HACE1: variants seen among roughly 807,000 people sequenced by gnomAD.
HACE1 encodes E3 ubiquitin-protein ligase HACE1.
A neutral mutation model predicts 118.4 loss-of-function variants in HACE1; 73 were observed. The observed-to-expected ratio is 0.62, with a 90% confidence interval of 0.51 to 0.75. The LOEUF (loss-of-function observed/expected upper bound fraction) is 0.75. Ranked by LOEUF, HACE1 falls within the 30% of genes least tolerant of loss-of-function variation. The pLI is 0.00. For missense variants in HACE1, 749 were observed against 1,102.2 expected (o/e 0.68, Z 4.54); for synonymous variants, 368 against 374.8 (o/e 0.98, Z 0.21).
chr6:104,792,292 C>A (rs1234390951), intron 10 of HACE1, among the ~76,000 whole-genome samples: 1 of 152,056 alleles, frequency 6.6e-6, no homozygotes, highest in East Asian at 1.9e-4. Context: ...AAAGAAAAGA[C>A]TAAAATTCAA....
intron 20 of HACE1, among the ~76,000 whole-genome samples, chr6:104,745,532 C>G (rs1777326708): frequency 6.8e-6 from 1 of 148,032 alleles, no homozygotes; most frequent in South Asian, 2.1e-4. Context: ...GCTCCACCTC[C>G]CGGGTTCACG....
intron 1 of HACE1, among the ~76,000 whole-genome samples, chr6:104,859,017 GA>G (rs1777027835): frequency 6.6e-6 from 1 of 152,140 alleles, no homozygotes; most frequent in Non-Finnish European, 1.5e-5. Context: ...GCATATTAAA[GA>G]AAAATATATT....
At chr6:104,859,401 C>T (rs1244328728) in intron 1 of HACE1, 166 bp downstream of exon 1, 4 of 590,340 alleles carry the variant, frequency 6.8e-6, no homozygotes, top group Admixed American at 7.4e-5. Context: ...GAGCGTCGGG[C>T]CAGGGGAGTT....
chr6:104,765,463 C>T (rs952643969), intron 19 of HACE1, among the ~76,000 whole-genome samples: 2 of 152,172 alleles, frequency 1.3e-5, no homozygotes, highest in Admixed American at 6.5e-5. Flanking sequence ...CTTTCTGAGG[C>T]AACAACAACA....
At chr6:104,790,843 A>G (rs1782953177) in intron 11 of HACE1, among the ~76,000 whole-genome samples, 1 of 152,212 alleles carries the variant, frequency 6.6e-6, no homozygotes, top group African/African-American at 2.4e-5. Flanking sequence ...GTCACCCAAA[A>G]AAACATTAAC....
intron 6 of HACE1, among the ~76,000 whole-genome samples, chr6:104,819,008 T>C (rs575219370): frequency 1.3e-5 from 2 of 152,232 alleles, no homozygotes; most frequent in East Asian, 3.9e-4. Flanking sequence ...TCACCACCCC[T>C]ATTCAACACA....
intron 3 of HACE1, among the ~76,000 whole-genome samples, chr6:104,850,340 T>C (rs1388524714): frequency 6.6e-6 from 1 of 152,172 alleles, no homozygotes; most frequent in Non-Finnish European, 1.5e-5. Flanking sequence ...CATTCTACTA[T>C]GAAAATTATA....
chr6:104,782,964 AG>A (rs1296030686), intron 14 of HACE1, among the ~76,000 whole-genome samples: 1 of 152,200 alleles, frequency 6.6e-6, no homozygotes, highest in African/African-American at 2.4e-5. Context: ...TCCTAAAGCA[AG>A]GGTATCAGTG....
chr6:104,821,251 T>C (rs950540966), intron 6 of HACE1, among the ~76,000 whole-genome samples: 2 of 152,100 alleles, frequency 1.3e-5, no homozygotes, highest in East Asian at 3.9e-4. Flanking sequence ...AGGCTACCTA[T>C]GTGATGAAAT....
At chr6:104,848,804 T>C (rs1582769954) in intron 4 of HACE1, among the ~76,000 whole-genome samples, 1 of 152,148 alleles carries the variant, frequency 6.6e-6, no homozygotes, top group African/African-American at 2.4e-5. Context: ...ATGAAAATTA[T>C]GCTTTTCAGA....
In HACE1 at chr6:104,728,129, C is replaced by T. The variant is rs1249300965; in HGVS notation, c.*1533G>A. ...AATATTTTATTATCTATCTCTTTTA[C>T]ATAACTACTTGCAAAAAAAACTAAT... On this transcript the variant is annotated 3_prime_UTR_variant, in exon 24 of 24. Transcript: ENST00000262903. 6.6e-6 allele frequency: 1 copy of T among 151,980 alleles called. No homozygotes were observed. The highest frequency in any genetic ancestry group is 1.5e-5 in the Non-Finnish European group (1 of 67,994). 9.4% of individuals were successfully genotyped at this position (151,980 alleles called of 1,614,324 possible).
chr6:104,811,245 T>TAC (rs1562426047), intron 7 of HACE1, 66 bp downstream of exon 7: 1 of 239,098 alleles, frequency 4.2e-6, no homozygotes, highest in Non-Finnish European at 7.5e-6. Flanking sequence ...TCTTTATTTA[T>TAC]ACATATATAT....
chr6:104,789,107 A>AC lies in HACE1; in HGVS notation c.1074+2396dup, dbSNP rs983981337. 2.0e-5 allele frequency among the ~76,000 whole-genome samples: 3 copies of AC among 152,170 alleles called. No individual in the cohort carries two copies. The South Asian group carries it at 6.2e-4, about 32-fold the overall frequency. ...CTAGCAAAGATTTTTACTTGAAATC[A>AC]CCCCCACAATGAACAGGAGATCTGA... is the stretch of plus-strand genomic sequence containing the variant. On this transcript the variant is annotated intron_variant, in intron 11 of 23. Transcript: ENST00000262903.
At chr6:104,779,670 T>C (rs1781538110) in intron 14 of HACE1, among the ~76,000 whole-genome samples, 1 of 152,138 alleles carries the variant, frequency 6.6e-6, no homozygotes, top group Non-Finnish European at 1.5e-5. Flanking sequence ...GAAGCAATTA[T>C]TTAAGTATGG....
chr6:104,765,761 C>G (rs1779934842), intron 19 of HACE1, among the ~76,000 whole-genome samples: 1 of 152,142 alleles, frequency 6.6e-6, no homozygotes, highest in Non-Finnish European at 1.5e-5. Context: ...GCTGACAAAT[C>G]CACTCTTTAA....
chr6:104,764,707 T>C (rs1343761396), intron 19 of HACE1, among the ~76,000 whole-genome samples: 2 of 152,250 alleles, frequency 1.3e-5, no homozygotes, highest in Admixed American at 6.5e-5. Flanking sequence ...AATGAGCAAT[T>C]GGAGCCTTAT....
chr6:104,844,087 T>C (rs889871690), intron 4 of HACE1, among the ~76,000 whole-genome samples: 30 of 53,788 alleles, frequency 5.6e-4, no homozygotes, highest in Non-Finnish European at 9.9e-4. Flanking sequence ...CAGGCTGGAG[T>C]GCAGTGGCGG....
intron 19 of HACE1, among the ~76,000 whole-genome samples, chr6:104,770,588 G>A (rs1324133645): frequency 6.6e-6 from 1 of 151,900 alleles, no homozygotes; most frequent in Non-Finnish European, 1.5e-5. Context: ...GCATGGTGGC[G>A]CACCCCTGTA....
At chr6:104,761,713 T>C (rs1029749442) in intron 19 of HACE1, among the ~76,000 whole-genome samples, 1 of 152,096 alleles carries the variant, frequency 6.6e-6, no homozygotes, top group Non-Finnish European at 1.5e-5. Flanking sequence ...CTAATTAAAC[T>C]AAAGAGCTTC....
Sources: allele counts gnomAD v4.1 joint callset (sites outside exome capture counted in the v4.1 genomes callset), GRCh38; gene constraint gnomAD v4.1.1; transcripts MANE v1.5; gene names NCBI Gene and HGNC (gene_info 2026-07-23, HGNC 2026-07-21).